Variants in MDGA2 observed in about 807,000 individuals in gnomAD.
The protein encoded by MDGA2 is MAM domain-containing glycosylphosphatidylinositol anchor protein 2.
Under a neutral mutation model 117.8 loss-of-function variants are expected in MDGA2, and 40 were observed. That is an observed-to-expected ratio of 0.34 (90% CI 0.26 to 0.44). The LOEUF (loss-of-function observed/expected upper bound fraction) is 0.44. MDGA2 is among the 20% of genes least tolerant of loss of function. The pLI is 1.00. For synonymous variants in MDGA2, 452 were observed against 439.0 expected (o/e 1.03, Z -0.37); for missense variants, 1,123 against 1,250.6 (o/e 0.90, Z 1.54).
In MDGA2 at chr14:47,397,250, T is replaced by C. The variant is rs570353400; in HGVS notation, c.281-95700A>G. Among the ~76,000 whole-genome samples the C allele has an allele frequency of 5.9e-5, 9 of 152,190 alleles. No homozygotes were observed. The East Asian group carries it at 1.7e-3, about 29-fold the overall frequency. ...CAAGGACAGAAAACCAAACACCACA[T>C]GTTCTCACTCATAAGTGGGAGTTGA... On this transcript the variant is annotated intron_variant, in intron 1 of 16. Coordinates refer to ENST00000399232, the MANE Select transcript of MDGA2 (RefSeq NM_001113498.3).
intron 1 of MDGA2, among the ~76,000 whole-genome samples, chr14:47,440,232 A>T (rs867962811): frequency 6.6e-6 from 1 of 152,110 alleles, no homozygotes; most frequent in South Asian, 2.1e-4. Flanking sequence ...TGCACACAGG[A>T]AAAAGTACAC....
At chr14:46,930,675 A>G (rs1407770189) in intron 9 of MDGA2, among the ~76,000 whole-genome samples, 2 of 152,196 alleles carry the variant, frequency 1.3e-5, no homozygotes, top group African/African-American at 4.8e-5. Flanking sequence ...GATTATTCAT[A>G]AAATCCCTAT....
intron 1 of MDGA2, among the ~76,000 whole-genome samples, chr14:47,524,783 C>G (rs2138720129): frequency 6.6e-6 from 1 of 152,260 alleles, no homozygotes; most frequent in Middle Eastern, 3.4e-3. Context: ...CTTGGTAGCT[C>G]CAATGCCTGT....
chr14:47,087,275 G>A (rs1890934833), intron 6 of MDGA2, among the ~76,000 whole-genome samples: 1 of 151,736 alleles, frequency 6.6e-6, no homozygotes, highest in African/African-American at 2.4e-5. Context: ...AGCACTTTGG[G>A]AGGCCTAGGC....
chr14:47,141,289 G>A (rs557198534), intron 4 of MDGA2, among the ~76,000 whole-genome samples: 173 of 152,216 alleles, frequency 1.1e-3, no homozygotes, highest in Non-Finnish European at 2.1e-3. Context: ...CAATCCTACT[G>A]TTGGATAGAT....
intron 1 of MDGA2, among the ~76,000 whole-genome samples, chr14:47,357,481 T>C (rs867108891): frequency 1.3e-5 from 2 of 152,204 alleles, no homozygotes; most frequent in Admixed American, 1.3e-4. Flanking sequence ...GAGGGGTATA[T>C]GCAGTCACCA....
chr14:47,448,262 T>C (rs1893168603), intron 1 of MDGA2, among the ~76,000 whole-genome samples: 1 of 152,042 alleles, frequency 6.6e-6, no homozygotes, highest in African/African-American at 2.4e-5. Context: ...GCAATTCTCA[T>C]GCCTCAACTG....
intron 1 of MDGA2, among the ~76,000 whole-genome samples, chr14:47,376,668 T>A (rs560370751): frequency 2.0e-5 from 3 of 152,156 alleles, no homozygotes; most frequent in Non-Finnish European, 2.9e-5. Flanking sequence ...CCTGTCTTCT[T>A]TGTGTATCTA....
intron 1 of MDGA2, among the ~76,000 whole-genome samples, chr14:47,491,866 A>T (rs886609858): frequency 2.6e-5 from 4 of 152,148 alleles, no homozygotes; most frequent in African/African-American, 9.7e-5. Flanking sequence ...TCCTAAAAAA[A>T]ATTCTAACAT....
chr14:46,939,416 C>T (rs942967367), intron 9 of MDGA2, among the ~76,000 whole-genome samples: 2 of 152,078 alleles, frequency 1.3e-5, no homozygotes, highest in African/African-American at 4.8e-5. Flanking sequence ...AAGTTTTTAA[C>T]AAGATTCTCA....
chr14:47,342,881 TG>T (rs1054246628), intron 1 of MDGA2: 23 of 396,270 alleles, frequency 5.8e-5, no homozygotes, highest in Non-Finnish European at 1.1e-4. Context: ...AGGTTCCGTG[TG>T]GGGGAAAAAA....
chr14:47,358,360 C>T (rs1383280234), intron 1 of MDGA2, among the ~76,000 whole-genome samples: 6 of 152,126 alleles, frequency 3.9e-5, no homozygotes, highest in Non-Finnish European at 8.8e-5. Context: ...GTAATAAAAT[C>T]CCCTTGTTAA....
At chr14:47,110,826 T>C (rs989751598) in intron 5 of MDGA2, among the ~76,000 whole-genome samples, 1 of 152,184 alleles carries the variant, frequency 6.6e-6, no homozygotes, top group African/African-American at 2.4e-5. Context: ...GTTTGGCTAC[T>C]CAAATGTCTA....
chr14:47,069,755 C>T (rs1018984164), intron 6 of MDGA2, among the ~76,000 whole-genome samples: 1 of 152,122 alleles, frequency 6.6e-6, no homozygotes, highest in Non-Finnish European at 1.5e-5. Context: ...CAACCAGATC[C>T]ATGCATATTT....
chr14:47,471,947 A>G (rs1161498706), intron 1 of MDGA2, among the ~76,000 whole-genome samples: 1 of 152,160 alleles, frequency 6.6e-6, no homozygotes, highest in East Asian at 1.9e-4. Flanking sequence ...TTATATTTTC[A>G]GGGAATACTG....
intron 3 of MDGA2, among the ~76,000 whole-genome samples, chr14:47,164,139 G>A (rs963434662): frequency 6.6e-6 from 1 of 152,196 alleles, no homozygotes; most frequent in Non-Finnish European, 1.5e-5. Flanking sequence ...TCTGCTGCTT[G>A]TATGGAACAG....
intron 1 of MDGA2, among the ~76,000 whole-genome samples, chr14:47,472,373 G>T (rs1265441830): frequency 6.6e-6 from 1 of 152,118 alleles, no homozygotes; most frequent in Non-Finnish European, 1.5e-5. Flanking sequence ...AGCCTATCAC[G>T]TCTAGGCTAC....
At chr14:47,620,594 C>T (rs1024403944) in intron 1 of MDGA2, among the ~76,000 whole-genome samples, 1 of 152,166 alleles carries the variant, frequency 6.6e-6, no homozygotes, top group African/African-American at 2.4e-5. Context: ...ACTTTGCCCC[C>T]AAATTTTGTC....
intron 3 of MDGA2, among the ~76,000 whole-genome samples, chr14:47,173,145 T>G (rs1594693363): frequency 6.6e-6 from 1 of 152,338 alleles, no homozygotes; most frequent in Admixed American, 6.5e-5. Flanking sequence ...CATATGGGAC[T>G]ATACGAAAAG....
Sources: allele counts gnomAD v4.1 joint callset (sites outside exome capture counted in the v4.1 genomes callset), GRCh38; gene constraint gnomAD v4.1.1; transcripts MANE v1.5; gene names NCBI Gene and HGNC (gene_info 2026-07-23, HGNC 2026-07-21).